MAN2A1: variants seen among roughly 807,000 people sequenced by gnomAD.
The protein encoded by MAN2A1 is alpha-mannosidase 2.
MAN2A1 carries 76 observed loss-of-function variants against 142.6 expected under a neutral mutation model. That is an observed-to-expected ratio of 0.53 (90% CI 0.44 to 0.65). The LOEUF is 0.65. Ranked by LOEUF, MAN2A1 falls within the 30% of genes least tolerant of loss-of-function variation. MAN2A1 has a pLI of 0.00. For synonymous variants in MAN2A1, 559 were observed against 473.2 expected, an observed-to-expected ratio of 1.18 and a Z score of -2.35; for missense variants, 1,311 against 1,365.1, an observed-to-expected ratio of 0.96 and a Z score of 0.62.
chr5:109,709,766 C>T (rs933227437), intron 1 of MAN2A1, among the ~76,000 whole-genome samples: 1 of 152,112 alleles, frequency 6.6e-6, no homozygotes, highest in Admixed American at 6.5e-5. Context: ...ACCTCCTTCC[C>T]CACTCCTGAG....
intron 12 of MAN2A1, among the ~76,000 whole-genome samples, chr5:109,813,579 G>A (rs1198455220): frequency 1.3e-5 from 2 of 152,224 alleles, no homozygotes; most frequent in Admixed American, 6.5e-5. Context: ...GATGCACTCT[G>A]AATGAAGGTC....
chr5:109,731,689 A>G (rs1751917411), intron 4 of MAN2A1, among the ~76,000 whole-genome samples: 1 of 151,282 alleles, frequency 6.6e-6, no homozygotes. Context: ...AAGGACATGA[A>G]CTCATCCTTT....
chr5:109,713,082 G>T (rs1181633752), intron 1 of MAN2A1, among the ~76,000 whole-genome samples: 1 of 152,106 alleles, frequency 6.6e-6, no homozygotes, highest in African/African-American at 2.4e-5. Flanking sequence ...AGTGTTAAGG[G>T]ATTGAGATGG....
intron 13 of MAN2A1, among the ~76,000 whole-genome samples, chr5:109,818,132 C>T (rs1754518989): frequency 1.3e-5 from 2 of 152,082 alleles, no homozygotes; most frequent in South Asian, 4.2e-4. Flanking sequence ...TTGCTAGCTA[C>T]TTTTATTATT....
chr5:109,852,277 C>T lies in MAN2A1; in HGVS notation c.2977-2863C>T, dbSNP rs1755503568. On this transcript the variant is annotated intron_variant, in intron 19 of 21. Transcript: ENST00000261483. ...CAATGTATTATTCTTCATTTTCTCT[C>T]CTCCTTCCTCTTTGTCTTTTTTACT... Among the ~76,000 whole-genome samples the T allele has an allele frequency of 4.6e-5, 7 of 152,196 alleles. No homozygotes were observed. In the South Asian group the frequency reaches 1.5e-3, roughly 32 times the overall value.
chr5:109,811,431 G>A (rs1362233895), intron 12 of MAN2A1, among the ~76,000 whole-genome samples: 1 of 152,054 alleles, frequency 6.6e-6, no homozygotes, highest in Admixed American at 6.5e-5. Context: ...TATTTAGAAA[G>A]ATATGTCTCT....
rs190026096 is a variant in MAN2A1, at chr5:109,845,995, G to C, written c.2831G>C (p.Ser944Thr). Residue 944 changes from serine to threonine, a missense_variant, in exon 18 of 22, where the codon AGT becomes ACT. Ser to Thr is a moderately conservative substitution (Grantham distance 58). This residue lies in a region of MAN2A1 where 890 missense variants were observed against 920.5 expected (regional missense o/e 0.97). Coordinates refer to ENST00000261483, the MANE Select transcript of MAN2A1 (RefSeq NM_002372.4). ...TCTGCTCAGTCATTAGGGGTTTCGAGTTTGAATAGTGGTATGTATTGCTTA... is the reference window on the plus strand; with the variant it reads ...TCTGCTCAGTCATTAGGGGTTTCGACTTTGAATAGTGGTATGTATTGCTTA... ...LLSAQSLGVS[S>T]LNSGQIEVIM... 1.4e-4 allele frequency: 221 copies of C among 1,612,086 alleles called. No individual in the cohort carries two copies. The highest frequency in any genetic ancestry group is 1.8e-4 in the Non-Finnish European group (207 of 1,179,020).
At chr5:109,713,873 C>T (rs768845045) in intron 2 of MAN2A1, 99 bp downstream of exon 2, 4 of 1,100,224 alleles carry the variant, frequency 3.6e-6, no homozygotes, top group Non-Finnish European at 5.2e-6. Flanking sequence ...GTTGCTTAAA[C>T]TCTTTGGATT....
At chr5:109,813,813 G>T (rs1185208570) in intron 12 of MAN2A1, among the ~76,000 whole-genome samples, 1 of 152,164 alleles carries the variant, frequency 6.6e-6, no homozygotes. Flanking sequence ...AATCTTCAAG[G>T]ACAGCCACGT....
chr5:109,756,488 A>AT (rs1752693531), intron 5 of MAN2A1, among the ~76,000 whole-genome samples: 1 of 152,180 alleles, frequency 6.6e-6, no homozygotes, highest in East Asian at 1.9e-4. Flanking sequence ...CTTAATCCCT[A>AT]TTTTTTCTTT....
At chr5:109,691,557 A>G (rs1466154431) in intron 1 of MAN2A1, among the ~76,000 whole-genome samples, 2 of 152,186 alleles carry the variant, frequency 1.3e-5, no homozygotes, top group African/African-American at 4.8e-5. Flanking sequence ...TTTTGTGATA[A>G]CTTAAATGAC....
intron 3 of MAN2A1, among the ~76,000 whole-genome samples, chr5:109,721,067 T>A (rs1421800170): frequency 1.3e-5 from 2 of 151,208 alleles, no homozygotes; most frequent in Non-Finnish European, 2.9e-5. Context: ...TGTTATTTTT[T>A]ACTTTGTGTG....
At position 109,690,473 on chromosome 5, in the gene MAN2A1, T is replaced by G. The variant is rs1364958265; in HGVS notation, c.56T>G (p.Ile19Ser). The part of the protein sequence containing the change: ...VFGSAIFCVV[I>S]FSLYLMLDRG... ...GGCAGTGCGATCTTCTGTGTGGTGA[T>G]TTTCTCGCTCTACCTGATGCTGGAC... Residue 19 changes from isoleucine to serine, a missense_variant, in exon 1 of 22, where the codon ATT becomes AGT. Physicochemically the swap from Ile to Ser is moderately radical, Grantham distance 142 (BLOSUM62 -2). Coordinates refer to ENST00000261483, the MANE Select transcript of MAN2A1 (RefSeq NM_002372.4). 6.2e-7 allele frequency: 1 copy of G among 1,613,962 alleles called. No individual in the cohort carries two copies. The highest frequency in any genetic ancestry group is 1.1e-5 in the South Asian group (1 of 91,078).
At chr5:109,816,959 T>C (rs2112720636) in intron 12 of MAN2A1, among the ~76,000 whole-genome samples, 1 of 152,262 alleles carries the variant, frequency 6.6e-6, no homozygotes, top group Middle Eastern at 3.4e-3. Flanking sequence ...TCTCCATGAG[T>C]TGACTCTATG....
chr5:109,789,136 AG>A (rs1480493319), intron 11 of MAN2A1, 88 bp downstream of exon 11: 11 of 671,582 alleles, frequency 1.6e-5, no homozygotes, highest in Non-Finnish European at 2.3e-5. Flanking sequence ...TAATGAAAAA[AG>A]ACATTGAAAT....
chr5:109,793,967 T>A (rs972060604), intron 12 of MAN2A1, among the ~76,000 whole-genome samples: 1 of 152,316 alleles, frequency 6.6e-6, no homozygotes, highest in African/African-American at 2.4e-5. Flanking sequence ...CAAGGCTAGC[T>A]TTTTTCTTTT....
At chr5:109,825,943 A>G (rs548969920) in intron 16 of MAN2A1, among the ~76,000 whole-genome samples, 22 of 114,422 alleles carry the variant, frequency 1.9e-4, no homozygotes, top group African/African-American at 5.2e-4. Context: ...GTCTCGCTCT[A>G]TCGCCCAGGC....
chr5:109,762,388 C>T lies in MAN2A1; in HGVS notation c.836-5147C>T, dbSNP rs541633389. 7.2e-5 allele frequency among the ~76,000 whole-genome samples: 11 copies of T among 151,766 alleles called. 1 individual carries two copies. In the South Asian group the frequency reaches 8.3e-4, roughly 11 times the overall value. ...TGCTCCTTTTGTCTGTTTTTTGTTT[C>T]TTTTTCTCTCAAGGAGTTGGCAACA... On this transcript the variant is annotated intron_variant, in intron 5 of 21. Transcript: ENST00000261483.
intron 5 of MAN2A1, among the ~76,000 whole-genome samples, chr5:109,756,198 A>G (rs1752683907): frequency 6.6e-6 from 1 of 152,134 alleles, no homozygotes; most frequent in Non-Finnish European, 1.5e-5. Flanking sequence ...GAGTGGCCTC[A>G]TGGAATGGGT....
Sources: gnomAD v4.1 joint callset for allele counts (sites outside exome capture counted in the v4.1 genomes callset) on GRCh38, gnomAD v4.1.1 for gene constraint, gnomAD v4.1.1 regional missense constraint, MANE v1.5 for transcripts, NCBI Gene and HGNC (gene_info 2026-07-23, HGNC 2026-07-21) for gene names.